SPATA13: variants seen among roughly 807,000 people sequenced by gnomAD.
The protein encoded by SPATA13 is spermatogenesis-associated protein 13.
A neutral mutation model predicts 104.0 loss-of-function variants in SPATA13; 50 were observed. That is an observed-to-expected ratio of 0.48 (90% CI 0.38 to 0.61). The LOEUF is 0.61. SPATA13 is among the 20% of genes least tolerant of loss of function. The pLI is 0.00. For synonymous variants in SPATA13, 606 were observed against 667.5 expected, an observed-to-expected ratio of 0.91 and a Z score of 1.42; for missense variants, 1,524 against 1,690.6, an observed-to-expected ratio of 0.90 and a Z score of 1.73.
chr13:24,089,897 G>A (rs947430509), intron 3 of SPATA13, among the ~76,000 whole-genome samples: 11 of 152,252 alleles, frequency 7.2e-5, no homozygotes, highest in African/African-American at 2.4e-4. Flanking sequence ...ATGTCCTGCC[G>A]CTCTGTCCTC....
At chr13:24,132,848 T>G (rs1421185126) in intron 3 of SPATA13, among the ~76,000 whole-genome samples, 2 of 152,108 alleles carry the variant, frequency 1.3e-5, no homozygotes, top group African/African-American at 4.8e-5. Context: ...GTGGCACACG[T>G]CTGTAGTTCC....
intron 3 of SPATA13, among the ~76,000 whole-genome samples, chr13:24,064,020 C>T (rs900131519): frequency 3.9e-5 from 6 of 152,194 alleles, no homozygotes; most frequent in Non-Finnish European, 7.3e-5. Flanking sequence ...TGCCCTGGAT[C>T]TGCTCCATCT....
chr13:23,985,328 C>T (rs1369575336), intron 2 of SPATA13, among the ~76,000 whole-genome samples: 1 of 152,372 alleles, frequency 6.6e-6, no homozygotes, highest in East Asian at 1.9e-4. Flanking sequence ...TGAGCACACA[C>T]AGGGAATCAT....
intron 3 of SPATA13, among the ~76,000 whole-genome samples, chr13:24,105,936 A>T (rs910822253): frequency 1.6e-4 from 25 of 152,228 alleles, no homozygotes; most frequent in African/African-American, 5.8e-4. Context: ...GAAGAAACCA[A>T]GCCTGCTGAC....
chr13:24,206,376 C>T (rs1351049494), intron 1 of SPATA13, among the ~76,000 whole-genome samples: 1 of 152,162 alleles, frequency 6.6e-6, no homozygotes, highest in African/African-American at 2.4e-5. Context: ...CATCTCACAC[C>T]AGTCAGAATG....
At chr13:24,085,413 C>T (rs530537705) in intron 3 of SPATA13, among the ~76,000 whole-genome samples, 2 of 152,156 alleles carry the variant, frequency 1.3e-5, no homozygotes, top group South Asian at 4.1e-4. Flanking sequence ...AGGTGTGAGC[C>T]ACCGCGTCCA....
chr13:24,277,759 C>T (rs1405054094), intron 4 of SPATA13, among the ~76,000 whole-genome samples: 2 of 152,180 alleles, frequency 1.3e-5, no homozygotes, highest in Non-Finnish European at 2.9e-5. Flanking sequence ...AAAAATCAAA[C>T]GTCTGTCCTT....
intron 3 of SPATA13, among the ~76,000 whole-genome samples, chr13:24,032,309 C>G (rs1033178687): frequency 6.6e-6 from 1 of 152,206 alleles, no homozygotes; most frequent in South Asian, 2.1e-4. Flanking sequence ...TCCCCTATGG[C>G]AATACCACAT....
rs1201563286 is a variant in SPATA13 at position 24,245,616 on chromosome 13, A to G, written c.1654-3861A>G. 5.3e-5 allele frequency among the ~76,000 whole-genome samples: 7 copies of G among 131,096 alleles called. No individual in the cohort carries two copies. The East Asian group carries it at 1.1e-3, about 21-fold the overall frequency. 86.0% of individuals were successfully genotyped at this position (131,096 alleles called of 152,430 possible). ...TTTTTTTTTTTTTTTTTTAGACAAC[A>G]GGTCTTGCTTTGTTGCCCAGGCTGG... On this transcript the variant is annotated intron_variant, in intron 2 of 12. Transcript: ENST00000382108.
At chr13:24,229,715 A>ATT (rs1872154905) in intron 2 of SPATA13, among the ~76,000 whole-genome samples, 1 of 152,238 alleles carries the variant, frequency 6.6e-6, no homozygotes, top group South Asian at 2.1e-4. Context: ...AAAAAAAAGC[A>ATT]TAAGAGTTAA....
chr13:24,053,653 G>A (rs1413333760), intron 3 of SPATA13, among the ~76,000 whole-genome samples: 1 of 152,056 alleles, frequency 6.6e-6, no homozygotes, highest in Non-Finnish European at 1.5e-5. Context: ...AGCTGTCTAA[G>A]ACACCTGGGG....
chr13:24,135,303 T>C (rs1593352039), intron 3 of SPATA13, among the ~76,000 whole-genome samples: 1 of 152,224 alleles, frequency 6.6e-6, no homozygotes, highest in African/African-American at 2.4e-5. Context: ...TTTGAACATA[T>C]GTATTTTTGA....
chr13:24,002,503 G>C (rs1055135971), intron 2 of SPATA13, among the ~76,000 whole-genome samples: 1 of 152,162 alleles, frequency 6.6e-6, no homozygotes, highest in Non-Finnish European at 1.5e-5. Flanking sequence ...TGAAAGCACG[G>C]TTGGCTTAGG....
chr13:24,045,143 T>C (rs923645619), intron 3 of SPATA13, among the ~76,000 whole-genome samples: 1 of 152,228 alleles, frequency 6.6e-6, no homozygotes, highest in Non-Finnish European at 1.5e-5. Flanking sequence ...CCAATCCTTC[T>C]GACAAAGTTG....
At chr13:24,002,526 C>T (rs541281981) in intron 2 of SPATA13, among the ~76,000 whole-genome samples, 3 of 152,236 alleles carry the variant, frequency 2.0e-5, no homozygotes, top group East Asian at 1.9e-4. Flanking sequence ...AACACCAGAT[C>T]GGCCTCAGTG....
chr13:24,076,811 A>C (rs1204339731), intron 3 of SPATA13, among the ~76,000 whole-genome samples: 2 of 151,910 alleles, frequency 1.3e-5, no homozygotes, highest in African/African-American at 4.8e-5. Flanking sequence ...AGCAGAAGGC[A>C]GTCCCAGGGG....
intron 4 of SPATA13, among the ~76,000 whole-genome samples, chr13:24,254,160 G>C (rs1873659771): frequency 6.6e-6 from 1 of 151,626 alleles, no homozygotes. Flanking sequence ...GGTACGAAGA[G>C]GCAAAAATGG....
Position 24,046,531 on chromosome 13 carries a change from T to C in SPATA13, c.-112+28830T>C, listed in dbSNP as rs2137735821. Among the ~76,000 whole-genome samples, 3 of 96,198 alleles carry C rather than the reference T, an allele frequency of 3.1e-5. 1 individual carries two copies. The highest frequency in any genetic ancestry group is 1.5e-4 in the African/African-American group (3 of 20,146). The allele number at this position is 96,198 out of a possible 152,430, so 63.1% of individuals were successfully genotyped here. A position where few individuals can be genotyped will look rare whatever the true frequency, so the allele number is the denominator to read the frequency against. On this transcript the variant is annotated intron_variant, in intron 3 of 14. Coordinates refer to the SPATA13 transcript ENST00000424834. ...TGCCTGTTTTTGTGCTTTACATAAATGGAGTCATATGGTGTGTACTCTTTT... is the reference window on the plus strand; with the variant it reads ...TGCCTGTTTTTGTGCTTTACATAAACGGAGTCATATGGTGTGTACTCTTTT...
intron 2 of SPATA13, among the ~76,000 whole-genome samples, chr13:24,015,524 T>C (rs1375966054): frequency 6.6e-6 from 1 of 152,224 alleles, no homozygotes; most frequent in East Asian, 1.9e-4. Flanking sequence ...ATAAAAAACC[T>C]GAATATGACC....
Sources: allele counts gnomAD v4.1 joint callset (sites outside exome capture counted in the v4.1 genomes callset), GRCh38; gene constraint gnomAD v4.1.1; transcripts MANE v1.5; gene names NCBI Gene and HGNC (gene_info 2026-07-23, HGNC 2026-07-21).